The following HCRTR2 variants were observed in gnomAD, a reference collection of about 807,000 sequenced individuals.
The protein encoded by HCRTR2 is orexin receptor type 2.
A neutral mutation model predicts 49.0 loss-of-function variants in HCRTR2; 22 were observed. That is an observed-to-expected ratio of 0.45 (90% CI 0.32 to 0.64). HCRTR2 has a LOEUF of 0.64. HCRTR2 is among the 30% of genes least tolerant of loss of function. The pLI is 0.04. For synonymous variants in HCRTR2, 236 were observed against 205.3 expected, an observed-to-expected ratio of 1.15 and a Z score of -1.28; for missense variants, 491 against 559.4, an observed-to-expected ratio of 0.88 and a Z score of 1.23.
intron 1 of HCRTR2, among the ~76,000 whole-genome samples, chr6:55,230,661 T>C (rs183936691): frequency 6.6e-6 from 1 of 152,258 alleles, no homozygotes; most frequent in East Asian, 1.9e-4. Context: ...CAGTACACAG[T>C]TTTGTATTTT....
chr6:55,152,608 T>A, intron 1 of HCRTR2, among the ~76,000 whole-genome samples: 1 of 151,918 alleles, frequency 6.6e-6, no homozygotes, highest in South Asian at 2.1e-4. Flanking sequence ...AAGTTTGAGA[T>A]TAGGATGCCA....
At chr6:55,176,854 G>A (rs922407733) in intron 1 of HCRTR2, among the ~76,000 whole-genome samples, 2 of 152,078 alleles carry the variant, frequency 1.3e-5, no homozygotes, top group African/African-American at 4.8e-5. Flanking sequence ...GGGATTAATG[G>A]CACTGTCATT....
chr6:55,174,514 C>T (rs1398474949), upstream of HCRTR2: 5 of 1,288,656 alleles, frequency 3.9e-6, no homozygotes, highest in Middle Eastern at 2.1e-4. Context: ...CCTTTCCCAC[C>T]GCAAATCACC....
At chr6:55,161,663 C>T (rs578117305) in intron 1 of HCRTR2, among the ~76,000 whole-genome samples, 86 of 152,154 alleles carry the variant, frequency 5.7e-4, no homozygotes, top group African/African-American at 1.9e-3. Context: ...CATCACTGAT[C>T]CCACAGAAAT....
intron 1 of HCRTR2, among the ~76,000 whole-genome samples, chr6:55,245,748 T>G (rs1766431484): frequency 6.6e-6 from 1 of 151,632 alleles, no homozygotes; most frequent in Admixed American, 6.6e-5. Context: ...CATGATGGAT[T>G]CTGATTATCT....
intron 1 of HCRTR2, among the ~76,000 whole-genome samples, chr6:55,178,836 T>G (rs1013933179): frequency 3.3e-5 from 5 of 152,216 alleles, no homozygotes; most frequent in Non-Finnish European, 7.3e-5. Flanking sequence ...ATAGTTTGCT[T>G]TCTCTCTCAA....
intron 2 of HCRTR2, among the ~76,000 whole-genome samples, chr6:55,254,575 T>A (rs758168867): frequency 6.6e-6 from 1 of 152,138 alleles, no homozygotes; most frequent in Non-Finnish European, 1.5e-5. Flanking sequence ...TAACTTTCCT[T>A]GGGTGCTACA....
chr6:55,269,087 C>CAAAAAAAAA (rs1158724252), intron 4 of HCRTR2, among the ~76,000 whole-genome samples: 5 of 55,676 alleles, frequency 9.0e-5, no homozygotes, highest in African/African-American at 2.0e-4. Flanking sequence ...GACTCCGTCT[C>CAAAAAAAAA]AAAAAAAAAA....
In HCRTR2 at chr6:55,208,887, T is replaced by C. The variant is rs1468708107; in HGVS notation, c.223+34077T>C. ...TAAAATGACAAATGTGTAAAAGCAT[T>C]ATTTGGGCCTTAAGTCAAGGCCCAA... On this transcript the variant is annotated intron_variant, in intron 1 of 6. Transcript: ENST00000370862. Among the ~76,000 whole-genome samples the C allele has an allele frequency of 1.3e-4, 20 of 152,220 alleles. 1 individual carries two copies. Among genetic ancestry groups the C allele is most frequent in the Admixed American group, 1.3e-3 (20 of 15,282 alleles).
chr6:55,139,199 A>G (rs1764474966), intron 1 of HCRTR2, among the ~76,000 whole-genome samples: 6 of 152,238 alleles, frequency 3.9e-5, no homozygotes, highest in Non-Finnish European at 1.5e-5. Context: ...CTCATAGGTC[A>G]GAATGAAAAT....
At chr6:55,273,182 C>T (rs1265495098) in intron 4 of HCRTR2, among the ~76,000 whole-genome samples, 2 of 151,936 alleles carry the variant, frequency 1.3e-5, no homozygotes, top group African/African-American at 4.8e-5. Flanking sequence ...CAGTCATCTT[C>T]ATATGGTGGT....
chr6:55,211,935 C>A (rs549910381), intron 1 of HCRTR2, among the ~76,000 whole-genome samples: 1 of 152,132 alleles, frequency 6.6e-6, no homozygotes, highest in Non-Finnish European at 1.5e-5. Context: ...TGAGTATTGT[C>A]TGAGCAGAAA....
At chr6:55,197,811 TG>T (rs1765444693) in intron 1 of HCRTR2, among the ~76,000 whole-genome samples, 1 of 152,096 alleles carries the variant, frequency 6.6e-6, no homozygotes, top group South Asian at 2.1e-4. Flanking sequence ...TTGGCAGAGA[TG>T]GGGTTTCACC....
Position 55,186,395 on chromosome 6 carries a change from A to T in HCRTR2, c.223+11585A>T, listed in dbSNP as rs948791034. On this transcript the variant is annotated intron_variant, in intron 1 of 6. Transcript: ENST00000370862. ...TATACCTTGAGTAACTTATACATCAACTATTTTGTAGTTATTCTAGTAATG... is the reference window on the plus strand; with the variant it reads ...TATACCTTGAGTAACTTATACATCATCTATTTTGTAGTTATTCTAGTAATG... Among the ~76,000 whole-genome samples the T allele has an allele frequency of 9.2e-5, 14 of 152,288 alleles. No homozygotes were observed. In the East Asian group the frequency reaches 2.7e-3, roughly 29 times the overall value.
intron 1 of HCRTR2, among the ~76,000 whole-genome samples, chr6:55,167,216 A>G (rs547294697): frequency 3.9e-5 from 6 of 152,298 alleles, no homozygotes; most frequent in African/African-American, 1.4e-4. Flanking sequence ...AAATTTCCAC[A>G]CAAGGTGGGA....
intron 1 of HCRTR2, among the ~76,000 whole-genome samples, chr6:55,134,974 A>G (rs1764413611): frequency 6.6e-6 from 1 of 152,032 alleles, no homozygotes; most frequent in Non-Finnish European, 1.5e-5. Flanking sequence ...TTTCTTCTGA[A>G]ATCTATATCC....
intron 1 of HCRTR2, among the ~76,000 whole-genome samples, chr6:55,213,891 G>C (rs1270284891): frequency 6.6e-6 from 1 of 151,542 alleles, no homozygotes; most frequent in Non-Finnish European, 1.5e-5. Flanking sequence ...ATGAGTAGAA[G>C]AACCCTTAAC....
upstream of HCRTR2, among the ~76,000 whole-genome samples, chr6:55,170,568 T>C (rs1393702782): frequency 6.6e-6 from 1 of 150,916 alleles, no homozygotes; most frequent in Non-Finnish European, 1.5e-5. Context: ...ATATCACATG[T>C]TTACTTATTT....
At chr6:55,147,096 A>T (rs9396050) in intron 1 of HCRTR2, among the ~76,000 whole-genome samples, 1 of 152,318 alleles carries the variant, frequency 6.6e-6, no homozygotes, top group African/African-American at 2.4e-5. Context: ...AAACTATTAC[A>T]TACTTATTTT....
Sources: gnomAD v4.1 joint callset for allele counts (sites outside exome capture counted in the v4.1 genomes callset) on GRCh38, gnomAD v4.1.1 for gene constraint, MANE v1.5 for transcripts, NCBI Gene and HGNC (gene_info 2026-07-23, HGNC 2026-07-21) for gene names.